The following PLAC8L1 variants were observed in gnomAD, a reference collection of about 807,000 sequenced individuals.
PLAC8L1 encodes the protein PLAC8-like protein 1.
A neutral mutation model predicts 16.3 loss-of-function variants in PLAC8L1; 13 were observed. The ratio of observed to expected loss-of-function variants is 0.80; its 90% CI spans 0.52 to 1.27. PLAC8L1 has a LOEUF of 1.27. PLAC8L1 is among the 50% of genes most tolerant of loss of function. The pLI is 0.00. For missense variants in PLAC8L1, 184 were observed against 220.2 expected (o/e 0.84, Z 1.04); for synonymous variants, 78 against 79.3 (o/e 0.98, Z 0.09).
chr5:146,093,113 T>C (rs915314672), intron 2 of PLAC8L1, among the ~76,000 whole-genome samples: 1 of 151,896 alleles, frequency 6.6e-6, no homozygotes, highest in South Asian at 2.1e-4. Flanking sequence ...CAGGATGCTG[T>C]TTTTTCTTTT....
At chr5:146,086,894 G>C (rs1371731876) in intron 2 of PLAC8L1, among the ~76,000 whole-genome samples, 1 of 152,104 alleles carries the variant, frequency 6.6e-6, no homozygotes, top group Non-Finnish European at 1.5e-5. Context: ...TTTTATGGAG[G>C]CATAATTTAT....
intron 2 of PLAC8L1, among the ~76,000 whole-genome samples, chr5:146,086,567 C>T (rs1304868503): frequency 6.6e-6 from 1 of 152,188 alleles, no homozygotes; most frequent in Non-Finnish European, 1.5e-5. Context: ...CCTTCCAACA[C>T]AGAGGTTCTA....
intron 1 of PLAC8L1, among the ~76,000 whole-genome samples, chr5:146,101,146 G>A (rs1342762937): frequency 2.7e-5 from 4 of 145,548 alleles, no homozygotes; most frequent in East Asian, 4.0e-4. Context: ...GCAATGAGCC[G>A]AGATTGCACC....
chr5:146,087,133 T>A (rs1763530844), intron 2 of PLAC8L1, among the ~76,000 whole-genome samples: 2 of 152,246 alleles, frequency 1.3e-5, no homozygotes. Context: ...AAATCATGTT[T>A]GCTTTTGTAT....
chr5:146,103,711 A>C lies in PLAC8L1; in HGVS notation c.119+482T>G, dbSNP rs188447758. The C allele has an allele frequency of 1.3e-4, 126 of 985,196 alleles. 1 individual carries two copies. Among genetic ancestry groups the C allele is most frequent in the Middle Eastern group, 5.2e-4 (1 of 1,936 alleles). 61.0% of individuals were successfully genotyped at this position (985,196 alleles called of 1,614,324 possible). ...TTTTCCCTCTTTTTGACCTCACTCCATTCCTCTTCCTCTTCTAGCACAAGC... is the reference window on the plus strand; with the variant it reads ...TTTTCCCTCTTTTTGACCTCACTCCCTTCCTCTTCCTCTTCTAGCACAAGC... On this transcript the variant is annotated intron_variant, in intron 1 of 3. Coordinates refer to ENST00000311450, the MANE Select transcript of PLAC8L1 (RefSeq NM_001029869.3).
At chr5:146,089,115 TG>T (rs558703994) in intron 2 of PLAC8L1, among the ~76,000 whole-genome samples, 67 of 152,328 alleles carry the variant, frequency 4.4e-4, no homozygotes, top group African/African-American at 1.6e-3. Flanking sequence ...GTACAGAAAT[TG>T]TTTAAGTGCA....
Position 146,104,420 on chromosome 5 carries a change from C to T in PLAC8L1, c.-109G>A, listed in dbSNP as rs1419538861. On this transcript the variant is annotated 5_prime_UTR_variant, in exon 1 of 4. Transcript: ENST00000311450. The stretch of plus-strand genomic sequence containing the variant: ...GTGAAACATCTCTTGAAAGAATGTT[C>T]CCTTAATATTCTGGAACCTGAGGTC... 14 of 896,002 alleles carry T rather than the reference C, an allele frequency of 1.6e-5. No individual in the cohort carries two copies. In the East Asian group the frequency reaches 3.2e-4, roughly 21 times the overall value. 55.5% of individuals were successfully genotyped at this position (896,002 alleles called of 1,614,324 possible). A position where few individuals can be genotyped will look rare whatever the true frequency, so the allele number is the denominator to read the frequency against.
Position 146,104,417 on chromosome 5 carries a change from G to GGGAACATTCT in PLAC8L1, c.-107_-106insAGAATGTTCC. On this transcript the variant is annotated 5_prime_UTR_variant, in exon 1 of 4. The change creates a new upstream start codon in the 5' untranslated region. Transcript: ENST00000311450. ...AAAGTGAAACATCTCTTGAAAGAAT[G>GGGAACATTCT]TTCCCTTAATATTCTGGAACCTGAG... 1.1e-6 allele frequency: 1 copy of GGGAACATTCT among 909,862 alleles called. No homozygotes were observed. The highest frequency in any genetic ancestry group is 1.8e-6 in the Non-Finnish European group (1 of 555,404). 56.4% of individuals were successfully genotyped at this position (909,862 alleles called of 1,614,324 possible). A position where few individuals can be genotyped will look rare whatever the true frequency, so the allele number is the denominator to read the frequency against.
At position 146,104,760 on chromosome 5, in the gene PLAC8L1, C is replaced by T. The variant is rs1658763274; in HGVS notation, c.-449G>A. ...CAATTCAGCCAGATGATGCAAGTCC[C>T]ATAGCCAACCCAAAAGCAGGAGCAA... On this transcript the variant is annotated 5_prime_UTR_variant, in exon 1 of 4. The change abolishes an upstream ATG in the 5' untranslated region. Coordinates refer to ENST00000311450, the MANE Select transcript of PLAC8L1 (RefSeq NM_001029869.3). 1 of 157,442 alleles carries T rather than the reference C, an allele frequency of 6.4e-6. No homozygotes were observed. The highest frequency in any genetic ancestry group is 2.4e-5 in the African/African-American group (1 of 41,472). The allele number at this position is 157,442 out of a possible 1,614,324, so 9.8% of individuals were successfully genotyped here.
intron 1 of PLAC8L1, among the ~76,000 whole-genome samples, chr5:146,101,010 A>T (rs1320636650): frequency 3.3e-5 from 5 of 152,010 alleles, no homozygotes; most frequent in Non-Finnish European, 5.9e-5. Context: ...GACCAGCCTG[A>T]GCAACATGGT....
intron 1 of PLAC8L1, among the ~76,000 whole-genome samples, chr5:146,101,011 G>A (rs1234984118): frequency 6.6e-6 from 1 of 151,976 alleles, no homozygotes; most frequent in East Asian, 1.9e-4. Context: ...ACCAGCCTGA[G>A]CAACATGGTG....
rs1056370963 is a variant in PLAC8L1, at chr5:146,105,194, C to G, written c.-883G>C. On this transcript the variant is annotated 5_prime_UTR_variant, in exon 1 of 4. Transcript: ENST00000311450. ...ATTTGACATTACATTAGAAAGACAT[C>G]AGGAGGATACTGCCAATTATATCAT... 3.3e-5 allele frequency among the ~76,000 whole-genome samples: 5 copies of G among 152,118 alleles called. No homozygotes were observed. Among genetic ancestry groups the G allele is most frequent in the African/African-American group, 1.2e-4 (5 of 41,418 alleles).
intron 2 of PLAC8L1, among the ~76,000 whole-genome samples, chr5:146,095,194 C>T (rs1016049782): frequency 6.6e-6 from 1 of 152,156 alleles, no homozygotes; most frequent in Non-Finnish European, 1.5e-5. Context: ...GGAAACACAA[C>T]TAGGGAACAA....
At chr5:146,089,033 T>G (rs137933286) in intron 2 of PLAC8L1, among the ~76,000 whole-genome samples, 39 of 152,314 alleles carry the variant, frequency 2.6e-4, no homozygotes, top group African/African-American at 9.1e-4. Context: ...ATAAATAGTG[T>G]TTACACAATT....
chr5:146,099,928 AC>A (rs1763786378), intron 1 of PLAC8L1, among the ~76,000 whole-genome samples: 1 of 152,176 alleles, frequency 6.6e-6, no homozygotes, highest in African/African-American at 2.4e-5. Flanking sequence ...GATCATGTCT[AC>A]ACCTTCCCAA....
chr5:146,086,460 A>G (rs1460244905), intron 2 of PLAC8L1, among the ~76,000 whole-genome samples: 10 of 152,186 alleles, frequency 6.6e-5, no homozygotes, highest in Non-Finnish European at 1.5e-4. Context: ...TAATCTGCAG[A>G]TTATTAGGGG....
chr5:146,090,778 C>T (rs34078408), intron 2 of PLAC8L1, among the ~76,000 whole-genome samples: 33,987 of 151,934 alleles, frequency 0.22, 4,868 homozygotes, highest in Admixed American at 0.34. Context: ...TCAGGCCGGG[C>T]GCAGTAGCTC....
rs546551955 is a variant in PLAC8L1, at chr5:146,104,465, A to G, written c.-154T>C. The G allele has an allele frequency of 1.5e-6, 1 of 646,782 alleles. No individual in the cohort carries two copies. The allele number at this position is 646,782 out of a possible 1,614,324, so 40.1% of individuals were successfully genotyped here. On this transcript the variant is annotated 5_prime_UTR_variant, in exon 1 of 4. Coordinates refer to ENST00000311450, the MANE Select transcript of PLAC8L1 (RefSeq NM_001029869.3). ...GAGGTCATAGCAGTGTAACTAACAG[A>G]CATCTTTTTTCTTTAAAAACAGGTA...
In PLAC8L1 at chr5:146,098,161, C is replaced by A; in HGVS notation, c.251G>T (p.Arg84Ile). The change falls in exon 2 of 4, where the codon AGA becomes ATA. Residue 84 changes from arginine to isoleucine, a missense_variant. Physicochemically the swap from Arg to Ile is moderately conservative, Grantham distance 97 (BLOSUM62 -3). Coordinates refer to ENST00000311450, the MANE Select transcript of PLAC8L1 (RefSeq NM_001029869.3). ...TGLFSVCRDR[R>I]ICFCGLFCPM... ...AATAAGGAGGAAAAACTTACAAATT[C>A]TCCTATCTCTGCAGACACTGAAGAG... The A allele has an allele frequency of 6.2e-7, 1 of 1,610,104 alleles. No individual in the cohort carries two copies. The highest frequency in any genetic ancestry group is 8.5e-7 in the Non-Finnish European group (1 of 1,177,512).
Sources: gnomAD v4.1 joint callset for allele counts (sites outside exome capture counted in the v4.1 genomes callset) on GRCh38, gnomAD v4.1.1 for gene constraint, MANE v1.5 for transcripts, NCBI Gene and HGNC (gene_info 2026-07-23, HGNC 2026-07-21) for gene names.